The following EPB41L4A variants were observed in gnomAD, a reference collection of about 807,000 sequenced individuals.
EPB41L4A encodes band 4.1-like protein 4A.
Under a neutral mutation model 108.6 loss-of-function variants are expected in EPB41L4A, and 100 were observed. The ratio of observed to expected loss-of-function variants is 0.92; its 90% CI spans 0.78 to 1.09. The LOEUF is 1.09. Among genes scored for constraint, EPB41L4A ranks in the 50% least tolerant of loss-of-function variants. The probability of loss-of-function intolerance (pLI) is 0.00; values close to 1 mark genes in which losing one functional copy is unlikely to be tolerated. For synonymous variants in EPB41L4A, 319 were observed against 289.0 expected (o/e 1.10, Z -1.05); for missense variants, 1,030 against 842.7 (o/e 1.22, Z -2.75).
intron 7 of EPB41L4A, among the ~76,000 whole-genome samples, chr5:112,261,954 T>C (rs1751521643): frequency 6.7e-6 from 1 of 148,768 alleles, no homozygotes; most frequent in Admixed American, 6.8e-5. Context: ...AGTGGCACGA[T>C]CTCGGCTCAC....
chr5:112,145,528 A>G (rs1029662448), intron 13 of EPB41L4A, among the ~76,000 whole-genome samples: 3 of 152,214 alleles, frequency 2.0e-5, no homozygotes, highest in Admixed American at 2.0e-4. Context: ...CTTCACTGCC[A>G]ACTACATTTC....
intron 1 of EPB41L4A, among the ~76,000 whole-genome samples, chr5:112,361,394 G>A (rs1758749141): frequency 6.6e-6 from 1 of 151,948 alleles, no homozygotes; most frequent in Non-Finnish European, 1.5e-5. Flanking sequence ...AAGGCGGCAG[G>A]GCCCTCTGCC....
At chr5:112,369,540 C>G (rs1319904541) in intron 1 of EPB41L4A, among the ~76,000 whole-genome samples, 5 of 152,180 alleles carry the variant, frequency 3.3e-5, no homozygotes, top group Non-Finnish European at 4.4e-5. Context: ...TTCACTCTCT[C>G]AATTACCACT....
chr5:112,197,883 G>A (rs2150275819), intron 15 of EPB41L4A, among the ~76,000 whole-genome samples: 1 of 152,110 alleles, frequency 6.6e-6, no homozygotes, highest in East Asian at 1.9e-4. Flanking sequence ...ACACTTTTTT[G>A]GAACCCAAAA....
chr5:112,240,678 C>A, intron 10 of EPB41L4A, 41 bp downstream of exon 10: 1 of 1,108,912 alleles, frequency 9.0e-7, no homozygotes, highest in Non-Finnish European at 1.3e-6. Flanking sequence ...ATGCCATTTT[C>A]ATTTATTAAG....
In EPB41L4A at chr5:112,270,707, G is replaced by A. The variant is rs1752206421; in HGVS notation, c.336-4377C>T. Among the ~76,000 whole-genome samples the A allele has an allele frequency of 2.0e-5, 3 of 152,230 alleles. No individual in the cohort carries two copies. The South Asian group carries it at 6.2e-4, about 32-fold the overall frequency. On this transcript the variant is annotated intron_variant, in intron 4 of 22. Coordinates refer to ENST00000261486, the MANE Select transcript of EPB41L4A (RefSeq NM_022140.5). ...ACCTTCAGTGAAAGGAGGAGACAGG[G>A]ACTCAGGAAGTAAGCATAGGACTGA...
At chr5:112,192,371 G>C (rs1004314890) in intron 17 of EPB41L4A, among the ~76,000 whole-genome samples, 5 of 152,180 alleles carry the variant, frequency 3.3e-5, no homozygotes, top group African/African-American at 7.2e-5. Context: ...GCTACTGACA[G>C]GCAGACTTTA....
chr5:112,214,814 CT>C (rs1364201906), intron 12 of EPB41L4A, among the ~76,000 whole-genome samples: 1 of 152,024 alleles, frequency 6.6e-6, no homozygotes, highest in Non-Finnish European at 1.5e-5. Context: ...TTTTCCTGCA[CT>C]TCACAATCAT....
chr5:112,377,594 A>G (rs1447309336), intron 1 of EPB41L4A, among the ~76,000 whole-genome samples: 2 of 152,158 alleles, frequency 1.3e-5, no homozygotes, highest in Admixed American at 1.3e-4. Flanking sequence ...ATTTTATTCA[A>G]TAAAAAGGGG....
intron 1 of EPB41L4A, among the ~76,000 whole-genome samples, chr5:112,346,064 G>A (rs1236453199): frequency 6.6e-6 from 1 of 151,804 alleles, no homozygotes; most frequent in Non-Finnish European, 1.5e-5. Context: ...GAACAAGACT[G>A]TTAGCCACAC....
intron 12 of EPB41L4A, among the ~76,000 whole-genome samples, chr5:112,214,424 T>A (rs975655848): frequency 1.3e-5 from 2 of 152,176 alleles, no homozygotes; most frequent in African/African-American, 4.8e-5. Context: ...TATAAACAGC[T>A]TAACAAATAA....
At chr5:112,354,527 A>G (rs1357853861) in intron 1 of EPB41L4A, among the ~76,000 whole-genome samples, 1 of 152,174 alleles carries the variant, frequency 6.6e-6, no homozygotes, top group Non-Finnish European at 1.5e-5. Flanking sequence ...TTAGTTAGAT[A>G]AGGAAGGGTG....
At chr5:112,411,096 G>A (rs540203139) in intron 1 of EPB41L4A, among the ~76,000 whole-genome samples, 61 of 152,280 alleles carry the variant, frequency 4.0e-4, no homozygotes, top group African/African-American at 1.5e-3. Flanking sequence ...CATCTTTACT[G>A]ATAGAGTGTG....
chr5:112,223,236 G>A (rs1213194275), intron 12 of EPB41L4A, among the ~76,000 whole-genome samples: 4 of 152,060 alleles, frequency 2.6e-5, no homozygotes, highest in Non-Finnish European at 2.9e-5. Context: ...CACCGTGCCC[G>A]ACCGAAAGTA....
rs1006560566 is a variant in EPB41L4A at position 112,239,349 on chromosome 5, C to T, written c.965+311G>A. ...ACAATTAGTTACTATTCAGAATCTA[C>T]ATTGTTTCATAATCACAAAACACAC... On this transcript the variant is annotated intron_variant, in intron 11 of 22. Transcript: ENST00000261486. Among the ~76,000 whole-genome samples the T allele has an allele frequency of 3.3e-5, 5 of 152,144 alleles. No homozygotes were observed. The East Asian group carries it at 7.7e-4, about 23-fold the overall frequency.
At chr5:112,234,894 G>A in intron 11 of EPB41L4A, 139 bp from the exon 12 acceptor site, 1 of 892,874 alleles carries the variant, frequency 1.1e-6, no homozygotes, top group Non-Finnish European at 1.6e-6. Flanking sequence ...GATTCTCATT[G>A]CAATATTGAT....
intron 9 of EPB41L4A, among the ~76,000 whole-genome samples, chr5:112,241,078 T>A (rs1749752958): frequency 6.6e-6 from 1 of 152,224 alleles, no homozygotes; most frequent in African/African-American, 2.4e-5. Context: ...GTTTGGACGG[T>A]AGAAGTGAAA....
intron 11 of EPB41L4A, among the ~76,000 whole-genome samples, chr5:112,235,668 C>T (rs1284626237): frequency 6.6e-6 from 1 of 152,156 alleles, no homozygotes; most frequent in Non-Finnish European, 1.5e-5. Context: ...TAAAATTCAT[C>T]TTTCACATGC....
rs577538307 is a variant in EPB41L4A, at chr5:112,387,198, T to C, written c.99+31743A>G. Among the ~76,000 whole-genome samples, 4 of 152,318 alleles carry C rather than the reference T, an allele frequency of 2.6e-5. No individual in the cohort carries two copies. In the East Asian group the frequency reaches 7.7e-4, roughly 29 times the overall value. On this transcript the variant is annotated intron_variant, in intron 1 of 22. Transcript: ENST00000261486. ...GCCAGATCCAGCTTCAGCCAGGATG[T>C]AAGGCAGATGCACGAACTCCTCATG...
Sources: gnomAD v4.1 joint callset for allele counts (sites outside exome capture counted in the v4.1 genomes callset) on GRCh38, gnomAD v4.1.1 for gene constraint, MANE v1.5 for transcripts, NCBI Gene and HGNC (gene_info 2026-07-23, HGNC 2026-07-21) for gene names.